Variants in INPP5A observed in about 807,000 individuals in gnomAD.
The protein encoded by INPP5A is 43 kDa inositol polyphosphate 5-phophatase.
A neutral mutation model predicts 65.2 loss-of-function variants in INPP5A; 14 were observed. The ratio of observed to expected loss-of-function variants is 0.21; its 90% CI spans 0.14 to 0.34. The LOEUF (loss-of-function observed/expected upper bound fraction) is 0.34. Ranked by LOEUF, INPP5A falls within the 10% of genes least tolerant of loss-of-function variation. INPP5A has a pLI of 1.00. For synonymous variants in INPP5A, 207 were observed against 208.3 expected, an observed-to-expected ratio of 0.99 and a Z score of 0.05; for missense variants, 431 against 545.6, an observed-to-expected ratio of 0.79 and a Z score of 2.09.
intron 7 of INPP5A, among the ~76,000 whole-genome samples, chr10:132,709,882 C>T (rs558117850): frequency 4.5e-4 from 68 of 152,340 alleles, no homozygotes; most frequent in Admixed American, 9.8e-4. Context: ...AGCCGGCCCA[C>T]GGGGCTTCCC....
chr10:132,652,374 G>A lies in INPP5A; in HGVS notation c.306+1869G>A, dbSNP rs144179399. 7.9e-5 allele frequency among the ~76,000 whole-genome samples: 12 copies of A among 152,336 alleles called. No homozygotes were observed. In the East Asian group the frequency reaches 1.3e-3, roughly 17 times the overall value. On this transcript the variant is annotated intron_variant, in intron 4 of 15. Transcript: ENST00000368594. ...GTGTGGCTGCAGCCCCAGGAGGAGC[G>A]GGGAAAGGAGGCAGACAGGGTGATG...
rs570766129 is a variant in INPP5A, at chr10:132,642,173, G to A, written c.118-3695G>A. 2.1e-3 allele frequency among the ~76,000 whole-genome samples: 322 copies of A among 151,940 alleles called. 2 individuals carry two copies. Among genetic ancestry groups the A allele is most frequent in the African/African-American group, 7.1e-3 (292 of 41,272 alleles). ...TGGGGACAGCCTGGAGCCCGTCTGC[G>A]GTCTGGGGACAGCCTGGAGCCCATC... On this transcript the variant is annotated intron_variant, in intron 2 of 15. Transcript: ENST00000368594.
chr10:132,596,954 C>T (rs569867942), intron 1 of INPP5A, among the ~76,000 whole-genome samples: 3 of 131,056 alleles, frequency 2.3e-5, no homozygotes, highest in Non-Finnish European at 3.3e-5. Flanking sequence ...CGTGTGTGCA[C>T]ACATGTGTGC....
rs1197140662 is a variant in INPP5A at position 132,737,211 on chromosome 10, G to T, written c.732+10306G>T. Among the ~76,000 whole-genome samples, 3 of 152,356 alleles carry T rather than the reference G, an allele frequency of 2.0e-5. No individual in the cohort carries two copies. In the East Asian group the frequency reaches 5.8e-4, roughly 29 times the overall value. ...TCCCACAGCCATGAGCGGACTCGAT[G>T]TGGCAACATGGGCACAGTGTGTGTC... On this transcript the variant is annotated intron_variant, in intron 9 of 15. Transcript: ENST00000368594.
intron 2 of INPP5A, among the ~76,000 whole-genome samples, chr10:132,625,859 TG>T (rs1271586370): frequency 6.6e-6 from 1 of 151,510 alleles, no homozygotes; most frequent in African/African-American, 2.4e-5. Context: ...TGTGTGTGTG[TG>T]TGTGTGTGTG....
At chr10:132,687,131 G>C (rs1356065291) in intron 4 of INPP5A, among the ~76,000 whole-genome samples, 1 of 152,174 alleles carries the variant, frequency 6.6e-6, no homozygotes, top group African/African-American at 2.4e-5. Flanking sequence ...TTTTAGTAAA[G>C]ACGGGGTTTC....
chr10:132,560,852 TC>T (rs899214777), intron 1 of INPP5A, among the ~76,000 whole-genome samples: 37 of 152,100 alleles, frequency 2.4e-4, no homozygotes, highest in Admixed American at 1.3e-4. Context: ...CAAGCAGTCC[TC>T]CTGCCTTGGC....
rs1847204212 is a variant in INPP5A, at chr10:132,783,469, G to C, written c.*1440G>C. On this transcript the variant is annotated 3_prime_UTR_variant, in exon 16 of 16. Coordinates refer to ENST00000368594, the MANE Select transcript of INPP5A (RefSeq NM_005539.5). ...TGGTTCCTAAGCAATAAAATTGACC[G>C]TGGTGAAAATAGTCCCGTGTTGCTT... 6.6e-6 allele frequency: 1 copy of C among 152,444 alleles called. No individual in the cohort carries two copies. The highest frequency in any genetic ancestry group is 2.1e-4 in the South Asian group (1 of 4,828). 9.4% of individuals were successfully genotyped at this position (152,444 alleles called of 1,614,324 possible).
Position 132,678,848 on chromosome 10 carries a change from CCA to C in INPP5A, c.307-11541_307-11540del, listed in dbSNP as rs528011459. ...GGGCTGCTTGGAGGAGGCTGCATTT[CCA>C]CAGAGACCTGAAGCAGCAGGGGGTC... On this transcript the variant is annotated intron_variant, in intron 4 of 15. Coordinates refer to ENST00000368594, the MANE Select transcript of INPP5A (RefSeq NM_005539.5). The surrounding 1 kb of genome is among the most constrained non-coding windows in gnomAD (Gnocchi z 4.1). Among the ~76,000 whole-genome samples, 79 of 152,330 alleles carry C rather than the reference CCA, an allele frequency of 5.2e-4. No homozygotes were observed. Among genetic ancestry groups the C allele is most frequent in the African/African-American group, 1.8e-3 (75 of 41,562 alleles).
intron 5 of INPP5A, among the ~76,000 whole-genome samples, chr10:132,696,488 G>A (rs952170009): frequency 2.6e-5 from 4 of 152,168 alleles, no homozygotes; most frequent in African/African-American, 9.7e-5. Flanking sequence ...GTTATTTGGT[G>A]ATAAAAAGAA....
intron 1 of INPP5A, among the ~76,000 whole-genome samples, chr10:132,543,643 C>T (rs1363683088): frequency 1.3e-5 from 2 of 152,284 alleles, no homozygotes; most frequent in Non-Finnish European, 2.9e-5. Context: ...GTCTCAAAGT[C>T]CTGGCTTCAA....
At chr10:132,746,034 G>A (rs207471615) in intron 9 of INPP5A, among the ~76,000 whole-genome samples, 1 of 152,184 alleles carries the variant, frequency 6.6e-6, no homozygotes, top group African/African-American at 2.4e-5. Context: ...AGCCAAGCCT[G>A]GGGTAGGGCC....
intron 11 of INPP5A, among the ~76,000 whole-genome samples, chr10:132,755,123 GAGC>G (rs72357679): frequency 0.026 from 3,899 of 152,146 alleles, 63 homozygotes; most frequent in Non-Finnish European, 0.043. Context: ...GCTGGCGTGT[GAGC>G]AGGTGTGTCA....
intron 9 of INPP5A, among the ~76,000 whole-genome samples, chr10:132,744,416 G>A (rs1421037021): frequency 6.6e-6 from 1 of 152,098 alleles, no homozygotes; most frequent in Non-Finnish European, 1.5e-5. Flanking sequence ...CCCCCGGGAG[G>A]GTGGGACACT....
At chr10:132,724,031 G>A (rs1368534095) in intron 8 of INPP5A, among the ~76,000 whole-genome samples, 1 of 152,196 alleles carries the variant, frequency 6.6e-6, no homozygotes, top group Non-Finnish European at 1.5e-5. Context: ...AGACTTTCGT[G>A]GGCTTTGCCA....
chr10:132,672,543 A>G (rs996219136), intron 4 of INPP5A, among the ~76,000 whole-genome samples: 3 of 152,148 alleles, frequency 2.0e-5, no homozygotes, highest in Non-Finnish European at 4.4e-5. Context: ...CCATCCATAT[A>G]AGATGTGACT....
chr10:132,704,373 G>A lies in INPP5A; in HGVS notation c.475-3940G>A, dbSNP rs1590939143. 6.6e-6 allele frequency among the ~76,000 whole-genome samples: 1 copy of A among 152,230 alleles called. No homozygotes were observed. Among genetic ancestry groups the A allele is most frequent in the Admixed American group, 6.5e-5 (1 of 15,292 alleles). On this transcript the variant is annotated intron_variant, in intron 6 of 15. Transcript: ENST00000368594. The surrounding 1 kb of genome is among the most constrained non-coding windows in gnomAD (Gnocchi z 4.5). ...CCCAGCCTTGGGCCCAGTGACTGTG[G>A]CCTAAAGCCACCAAGGGACCATAGG...
At chr10:132,607,441 A>G (rs545530435) in intron 1 of INPP5A, among the ~76,000 whole-genome samples, 10 of 152,268 alleles carry the variant, frequency 6.6e-5, no homozygotes, top group South Asian at 4.1e-4. Context: ...ACACACAGAA[A>G]TGCCATATGC....
At chr10:132,775,993 A>C (rs1847057311) in intron 12 of INPP5A, among the ~76,000 whole-genome samples, 2 of 150,594 alleles carry the variant, frequency 1.3e-5, no homozygotes, top group Admixed American at 1.3e-4. Context: ...GTGCGGATGC[A>C]ATGGACATGT....
Sources: gnomAD v4.1 joint callset for allele counts (sites outside exome capture counted in the v4.1 genomes callset) on GRCh38, gnomAD v4.1.1 for gene constraint, Gnocchi (gnomAD v3.1) non-coding constraint, MANE v1.5 for transcripts, NCBI Gene and HGNC (gene_info 2026-07-23, HGNC 2026-07-21) for gene names.